The following RANBP2 variants were observed in gnomAD, a reference collection of about 807,000 sequenced individuals.
RANBP2 encodes E3 SUMO-protein ligase RanBP2.
RANBP2 carries 57 observed loss-of-function variants against 303.6 expected under a neutral mutation model. The ratio of observed to expected loss-of-function variants is 0.19; its 90% CI spans 0.15 to 0.23. The LOEUF is 0.23. Ranked by LOEUF, RANBP2 falls within the 10% of genes least tolerant of loss-of-function variation. The pLI, the probability that RANBP2 is intolerant of heterozygous loss-of-function variation, is 1.00. For synonymous variants in RANBP2, 1,167 were observed against 1,301.5 expected, an observed-to-expected ratio of 0.90 and a Z score of 2.23; for missense variants, 3,138 against 3,780.8, an observed-to-expected ratio of 0.83 and a Z score of 4.46.
the RANBP2 span, among the ~76,000 whole-genome samples, chr2:109,210,972 A>T: frequency 6.6e-6 from 1 of 152,068 alleles, no homozygotes; most frequent in East Asian, 1.9e-4. Flanking sequence ...TTGGGGATGG[A>T]TGGGGTGCAC....
the RANBP2 span, among the ~76,000 whole-genome samples, chr2:108,805,382 C>T: frequency 6.6e-6 from 1 of 152,060 alleles, no homozygotes; most frequent in South Asian, 2.1e-4. Flanking sequence ...TCACATTGCT[C>T]ATGTTCTCAT....
At chr2:109,545,410 T>G in the RANBP2 span, 3 of 1,535,846 alleles carry the variant, frequency 2.0e-6, no homozygotes, top group Non-Finnish European at 2.6e-6. Flanking sequence ...CTTGCGATTA[T>G]CATCCACATG....
At chr2:109,709,154 A>G in the RANBP2 span, among the ~76,000 whole-genome samples, 1 of 150,992 alleles carries the variant, frequency 6.6e-6, no homozygotes, top group Non-Finnish European at 1.5e-5. Flanking sequence ...AATATAAAAA[A>G]AATTAGCCAG....
the RANBP2 span, among the ~76,000 whole-genome samples, chr2:108,874,132 A>C: frequency 1.3e-5 from 2 of 152,180 alleles, no homozygotes; most frequent in Non-Finnish European, 2.9e-5. Flanking sequence ...AAATTCTTGC[A>C]TACTGGTATT....
At chr2:109,656,337 T>G in the RANBP2 span, among the ~76,000 whole-genome samples, 5 of 150,492 alleles carry the variant, frequency 3.3e-5, no homozygotes, top group East Asian at 3.9e-4. Context: ...AATTCTGGGG[T>G]TTTTTTGTTT....
At chr2:109,577,547 G>A in the RANBP2 span, among the ~76,000 whole-genome samples, 19 of 151,088 alleles carry the variant, frequency 1.3e-4, no homozygotes, top group African/African-American at 3.9e-4. Context: ...AGCCGAGATC[G>A]CGCCATTGCA....
chr2:108,794,799 A>G, the RANBP2 span: 27 of 531,036 alleles, frequency 5.1e-5, no homozygotes, highest in Non-Finnish European at 7.8e-5. Flanking sequence ...TTTGAATATA[A>G]TATATTTCAT....
At chr2:108,811,927 A>T in the RANBP2 span, among the ~76,000 whole-genome samples, 1 of 152,142 alleles carries the variant, frequency 6.6e-6, no homozygotes, top group Non-Finnish European at 1.5e-5. Flanking sequence ...AGCTCCATCC[A>T]TGTTGCTGCA....
chr2:109,202,390 C>A, the RANBP2 span, among the ~76,000 whole-genome samples: 1 of 152,312 alleles, frequency 6.6e-6, no homozygotes, highest in African/African-American at 2.4e-5. Context: ...TGTGAAGGGA[C>A]ACCTAATTGC....
the RANBP2 span, among the ~76,000 whole-genome samples, chr2:109,272,098 C>T: frequency 1.2e-4 from 18 of 152,208 alleles, no homozygotes; most frequent in Admixed American, 3.3e-4. Flanking sequence ...CCACTCAGGG[C>T]AGCCCGTCTG....
At chr2:109,049,496 C>T in the RANBP2 span, among the ~76,000 whole-genome samples, 4 of 152,192 alleles carry the variant, frequency 2.6e-5, no homozygotes, top group Non-Finnish European at 5.9e-5. Flanking sequence ...TGACCCCTCA[C>T]CCCTCTGAAG....
the RANBP2 span, among the ~76,000 whole-genome samples, chr2:109,423,473 A>G: frequency 6.6e-6 from 1 of 152,200 alleles, no homozygotes; most frequent in African/African-American, 2.4e-5. Flanking sequence ...CAGGAAAAGG[A>G]CTGCTGACCA....
chr2:109,178,457 G>A, the RANBP2 span, among the ~76,000 whole-genome samples: 7 of 152,254 alleles, frequency 4.6e-5, no homozygotes, highest in African/African-American at 1.7e-4. Flanking sequence ...TCCTGTAGCA[G>A]GTCCTCCAGA....
the RANBP2 span, among the ~76,000 whole-genome samples, chr2:109,303,672 G>C: frequency 6.6e-6 from 1 of 152,154 alleles, no homozygotes; most frequent in East Asian, 1.9e-4. Context: ...GCCCACATTC[G>C]GGTTTTGTTT....
chr2:109,367,119 A>ATTTTTTTT, the RANBP2 span, among the ~76,000 whole-genome samples: 3 of 113,290 alleles, frequency 2.6e-5, no homozygotes, highest in Non-Finnish European at 3.5e-5. Context: ...TGCCCTGGTA[A>ATTTTTTTT]TTTTTTTTTT....
chr2:108,720,759 A>G (rs1232281294), intron 1 of RANBP2, among the ~76,000 whole-genome samples: 1 of 152,216 alleles, frequency 6.6e-6, no homozygotes, highest in African/African-American at 2.4e-5. Context: ...TGTTAAAAGG[A>G]TATTGGCGGG....
the RANBP2 span, chr2:108,896,928 G>A: frequency 5.6e-6 from 9 of 1,612,706 alleles, no homozygotes; most frequent in Admixed American, 1.5e-4. Context: ...CATGTGGCTG[G>A]GAGGCAGGTG....
chr2:108,736,549 C>T (rs1695599560), intron 6 of RANBP2, among the ~76,000 whole-genome samples: 1 of 152,124 alleles, frequency 6.6e-6, no homozygotes, highest in African/African-American at 2.4e-5. Context: ...GTTCTAACTG[C>T]TATTTCATAT....
At chr2:108,882,036 C>T in the RANBP2 span, among the ~76,000 whole-genome samples, 1 of 151,882 alleles carries the variant, frequency 6.6e-6, no homozygotes, top group Non-Finnish European at 1.5e-5. Context: ...CGCTTGTAGT[C>T]CTAGCAACTC....
Sources: allele counts gnomAD v4.1 joint callset (sites outside exome capture counted in the v4.1 genomes callset), GRCh38; gene constraint gnomAD v4.1.1; transcripts MANE v1.5; gene names NCBI Gene and HGNC (gene_info 2026-07-23, HGNC 2026-07-21).